PRKN: variants seen among roughly 807,000 people sequenced by gnomAD.
The protein encoded by PRKN is parkin RBR E3 ubiquitin protein ligase, also known as E3 ubiquitin-protein ligase parkin.
PRKN carries 56 observed loss-of-function variants against 59.5 expected under a neutral mutation model. That is an observed-to-expected ratio of 0.94 (90% CI 0.76 to 1.18). The LOEUF is 1.18. Among genes scored for constraint, PRKN ranks in the 50% most tolerant of loss-of-function variants. The probability of loss-of-function intolerance (pLI) is 0.00; values close to 1 mark genes in which losing one functional copy is unlikely to be tolerated. For synonymous variants in PRKN, 250 were observed against 222.1 expected, an observed-to-expected ratio of 1.13 and a Z score of -1.12; for missense variants, 657 against 596.4, an observed-to-expected ratio of 1.10 and a Z score of -1.06.
At chr6:161,988,387 C>T (rs997983387) in intron 5 of PRKN, among the ~76,000 whole-genome samples, 1 of 151,914 alleles carries the variant, frequency 6.6e-6, no homozygotes, top group Non-Finnish European at 1.5e-5. Flanking sequence ...ACTAAGGAGG[C>T]TGAGGCAGGA....
At position 162,144,063 on chromosome 6, in the gene PRKN, T is replaced by C. The variant is rs1417421493; in HGVS notation, c.534+57068A>G. On this transcript the variant is annotated intron_variant, in intron 4 of 11. Coordinates refer to ENST00000366898, the MANE Select transcript of PRKN (RefSeq NM_004562.3). The stretch of plus-strand genomic sequence containing the variant: ...CTCCATGTAATATGCTTAAAAGTGG[T>C]TGACACTTAAGAAGGCAAAGAAAGG... 8.5e-5 allele frequency among the ~76,000 whole-genome samples: 13 copies of C among 152,258 alleles called. No individual in the cohort carries two copies. The East Asian group carries it at 2.5e-3, about 29-fold the overall frequency.
intron 7 of PRKN, among the ~76,000 whole-genome samples, chr6:161,680,759 ATATATATATATATATATTTTTT>A (rs1461414956): frequency 1.7e-4 from 2 of 11,446 alleles, no homozygotes; most frequent in East Asian, 0.011. Flanking sequence ...ATATATATAT[ATATATATATATATATATTTTTT>A]TTTTTTTTTC....
At chr6:162,537,872 C>A (rs963835259) in intron 1 of PRKN, among the ~76,000 whole-genome samples, 2 of 152,148 alleles carry the variant, frequency 1.3e-5, no homozygotes, top group African/African-American at 4.8e-5. Flanking sequence ...GGTGAAAACA[C>A]AAGTCATCAG....
In PRKN at chr6:161,378,663, C is replaced by T. The variant is rs1382104679; in HGVS notation, c.1167+8131G>A. On this transcript the variant is annotated intron_variant, in intron 10 of 11. Coordinates refer to ENST00000366898, the MANE Select transcript of PRKN (RefSeq NM_004562.3). The surrounding 1 kb of genome is among the most constrained non-coding windows in gnomAD (Gnocchi z 7.3). ...GGTGCATACCCATGGGAACACTGGTCCTGTCACACATCCTACTGCCCAGAA... is the reference window on the plus strand; with the variant it reads ...GGTGCATACCCATGGGAACACTGGTTCTGTCACACATCCTACTGCCCAGAA... Among the ~76,000 whole-genome samples, 1 of 152,194 alleles carries T rather than the reference C, an allele frequency of 6.6e-6. No homozygotes were observed. Among genetic ancestry groups the T allele is most frequent in the Non-Finnish European group, 1.5e-5 (1 of 68,030 alleles).
intron 6 of PRKN, among the ~76,000 whole-genome samples, chr6:161,918,479 A>G (rs1471651628): frequency 6.6e-6 from 1 of 152,206 alleles, no homozygotes; most frequent in Admixed American, 6.5e-5. Context: ...AATATATACA[A>G]TGAAACAGAG....
chr6:162,166,467 T>G (rs576820536), intron 4 of PRKN, among the ~76,000 whole-genome samples: 1 of 152,320 alleles, frequency 6.6e-6, no homozygotes, highest in East Asian at 1.9e-4. Context: ...GGGCTGAGGC[T>G]GTACCACTAT....
intron 2 of PRKN, among the ~76,000 whole-genome samples, chr6:162,284,324 A>C (rs1781081934): frequency 6.9e-6 from 1 of 144,544 alleles, no homozygotes; most frequent in South Asian, 2.2e-4. Context: ...TCTCGGGTTC[A>C]AGTGATTCTC....
At chr6:162,445,756 A>C (rs1015267105) in intron 1 of PRKN, among the ~76,000 whole-genome samples, 5 of 151,336 alleles carry the variant, frequency 3.3e-5, no homozygotes, top group Non-Finnish European at 1.5e-5. Flanking sequence ...CATGATTAAA[A>C]AGATAACAAT....
chr6:161,603,335 G>A (rs528146459), intron 7 of PRKN, among the ~76,000 whole-genome samples: 30 of 152,142 alleles, frequency 2.0e-4, no homozygotes, highest in Non-Finnish European at 7.3e-5. Context: ...AGTCAACTTG[G>A]AATTAGTTAT....
At chr6:162,040,891 A>G (rs899486116) in intron 5 of PRKN, among the ~76,000 whole-genome samples, 2 of 151,882 alleles carry the variant, frequency 1.3e-5, no homozygotes, top group African/African-American at 4.8e-5. Flanking sequence ...AGTGGAGGGC[A>G]GGAGGGAAAG....
chr6:162,260,593 A>G (rs1409891110), intron 3 of PRKN, among the ~76,000 whole-genome samples: 1 of 152,166 alleles, frequency 6.6e-6, no homozygotes, highest in African/African-American at 2.4e-5. Flanking sequence ...ATAAAAGAAA[A>G]TTCTGGAGAA....
chr6:162,504,069 C>CAGAG (rs36042317), intron 1 of PRKN, among the ~76,000 whole-genome samples: 2 of 150,852 alleles, frequency 1.3e-5, no homozygotes, highest in Non-Finnish European at 3.0e-5. Context: ...AGAGAGGACA[C>CAGAG]AGAGAGAGAG....
chr6:161,367,992 G>A (rs1461725149), intron 10 of PRKN, among the ~76,000 whole-genome samples: 2 of 152,028 alleles, frequency 1.3e-5, no homozygotes, highest in Admixed American at 1.3e-4. Context: ...AGCTGCCTGG[G>A]TTCATACTCC....
At chr6:162,713,493 CAAAAAAA>C (rs373942233) in intron 1 of PRKN, among the ~76,000 whole-genome samples, 6 of 80,898 alleles carry the variant, frequency 7.4e-5, no homozygotes, top group Admixed American at 4.8e-4. Context: ...GACTCCACCT[CAAAAAAA>C]AAAAAAAAAA....
chr6:162,634,630 C>T (rs1005405191), intron 1 of PRKN, among the ~76,000 whole-genome samples: 1 of 152,100 alleles, frequency 6.6e-6, no homozygotes, highest in Admixed American at 6.6e-5. Flanking sequence ...GCTGTTGTTG[C>T]TGTTATTGTT....
chr6:161,801,180 T>C (rs60202592), intron 6 of PRKN, among the ~76,000 whole-genome samples: 5,799 of 152,244 alleles, frequency 0.038, 368 homozygotes, highest in African/African-American at 0.13. Context: ...GCTGCATAAG[T>C]TCCACCCACA....
chr6:162,689,054 C>T (rs1430689759), intron 1 of PRKN, among the ~76,000 whole-genome samples: 1 of 152,160 alleles, frequency 6.6e-6, no homozygotes, highest in Admixed American at 6.5e-5. Context: ...TTCAAAGTCA[C>T]CTTTTCCCCC....
intron 1 of PRKN, among the ~76,000 whole-genome samples, chr6:162,464,324 A>G (rs1791311268): frequency 6.6e-6 from 1 of 152,164 alleles, no homozygotes; most frequent in Admixed American, 6.5e-5. Context: ...AAATTAAATA[A>G]ATGAACTTTG....
chr6:161,572,851 T>C (rs1267049315), intron 7 of PRKN, among the ~76,000 whole-genome samples: 1 of 152,112 alleles, frequency 6.6e-6, no homozygotes, highest in East Asian at 1.9e-4. Flanking sequence ...AAGATTCTTT[T>C]TGAGAAGTTG....
Sources: allele counts gnomAD v4.1 joint callset (sites outside exome capture counted in the v4.1 genomes callset), GRCh38; gene constraint gnomAD v4.1.1; non-coding constraint Gnocchi (gnomAD v3.1); transcripts MANE v1.5; gene names NCBI Gene and HGNC (gene_info 2026-07-23, HGNC 2026-07-21).